CADM3: variants seen among roughly 807,000 people sequenced by gnomAD.
CADM3 encodes cell adhesion molecule 3.
CADM3 carries 11 observed loss-of-function variants against 44.9 expected under a neutral mutation model. The observed-to-expected ratio is 0.25, with a 90% CI of 0.15 to 0.41. The LOEUF (loss-of-function observed/expected upper bound fraction) is 0.41. Among genes scored for constraint, CADM3 ranks in the 10% least tolerant of loss-of-function variants. The pLI is 1.00. For synonymous variants in CADM3, 207 were observed against 205.2 expected (o/e 1.01, Z -0.08); for missense variants, 426 against 512.0 (o/e 0.83, Z 1.62).
At chr1:159,180,247 A>C (rs1212335623) in intron 1 of CADM3, among the ~76,000 whole-genome samples, 2 of 152,200 alleles carry the variant, frequency 1.3e-5, no homozygotes, top group Non-Finnish European at 2.9e-5. Context: ...TATCTGGGTC[A>C]TAATAAAATC....
rs1379875536 is a variant in CADM3, at chr1:159,192,738, T to C, written c.382+8T>C. On this transcript the variant is annotated splice_region_variant and intron_variant, in intron 3 of 8. Coordinates refer to ENST00000368125, the MANE Select transcript of CADM3 (RefSeq NM_001127173.3). ...CCCTCGTCACTGTGCTAGGTGAGAC[T>C]CCCAAACCCCAGTGTCTCTACAGCA... 1 of 1,609,298 alleles carries C rather than the reference T, an allele frequency of 6.2e-7. No homozygotes were observed. The highest frequency in any genetic ancestry group is 1.3e-5 in the African/African-American group (1 of 74,878).
In CADM3 at chr1:159,203,031, G is replaced by T. The variant is rs554431821; in HGVS notation, c.*2109G>T. ...GTGCTGTGTGTGTCTGTCCAGGGGTGGGGGGGTGGGGGAAGGGAGCAGGGA... is the reference window on the plus strand; with the variant it reads ...GTGCTGTGTGTGTCTGTCCAGGGGTTGGGGGGTGGGGGAAGGGAGCAGGGA... On this transcript the variant is annotated 3_prime_UTR_variant, in exon 9 of 9. Transcript: ENST00000368125. The T allele has an allele frequency of 5.2e-5, 7 of 133,742 alleles. No homozygotes were observed. Among genetic ancestry groups the T allele is most frequent in the South Asian group, 2.9e-4 (1 of 3,466 alleles). 8.3% of individuals were successfully genotyped at this position (133,742 alleles called of 1,614,324 possible).
chr1:159,183,178 T>A (rs200671625), intron 1 of CADM3, among the ~76,000 whole-genome samples: 1 of 152,218 alleles, frequency 6.6e-6, no homozygotes, highest in Non-Finnish European at 1.5e-5. Context: ...ATCTCTTAGA[T>A]AATCTAATAG....
intron 1 of CADM3, among the ~76,000 whole-genome samples, chr1:159,182,972 C>T (rs955662262): frequency 2.0e-5 from 3 of 152,208 alleles, no homozygotes; most frequent in South Asian, 4.1e-4. Context: ...ACACCCACCA[C>T]AGGCAAGCTA....
chr1:159,189,233 T>C (rs573336605), intron 1 of CADM3, among the ~76,000 whole-genome samples: 3 of 152,206 alleles, frequency 2.0e-5, no homozygotes, highest in Non-Finnish European at 4.4e-5. Flanking sequence ...TTCATTCTAT[T>C]TCCACTCTGC....
At chr1:159,173,553 T>TG (rs961519752) in intron 1 of CADM3, among the ~76,000 whole-genome samples, 61 of 152,252 alleles carry the variant, frequency 4.0e-4, no homozygotes, top group African/African-American at 1.4e-3. Context: ...ACTGCACTGA[T>TG]GACCCCACTC....
intron 1 of CADM3, among the ~76,000 whole-genome samples, chr1:159,181,566 G>C (rs76816615): frequency 8.5e-5 from 13 of 152,226 alleles, no homozygotes; most frequent in Non-Finnish European, 1.9e-4. Flanking sequence ...TCTTCAGGCA[G>C]AACACTAGAT....
chr1:159,200,925 GC>G lies in CADM3; in HGVS notation c.*4del. On this transcript the variant is annotated 3_prime_UTR_variant, in exon 9 of 9. Coordinates refer to ENST00000368125, the MANE Select transcript of CADM3 (RefSeq NM_001127173.3). ...ACAAGAAGGAATATTTCATCTAGAG[GC>G]GCCTGCCCACTTCCTGCGCCCCCCA... 6.3e-7 allele frequency: 1 copy of G among 1,589,786 alleles called. No individual in the cohort carries two copies. Among genetic ancestry groups the G allele is most frequent in the Non-Finnish European group, 8.6e-7 (1 of 1,167,346 alleles).
chr1:159,199,910 G>C (rs1245793482), intron 8 of CADM3, 34 bp downstream of exon 8: 2 of 1,605,030 alleles, frequency 1.2e-6, no homozygotes, highest in African/African-American at 2.7e-5. Flanking sequence ...AGCAGAACTT[G>C]GGAGGGGCAG....
chr1:159,189,996 C>T, intron 1 of CADM3: 1 of 672,474 alleles, frequency 1.5e-6, no homozygotes, highest in Non-Finnish European at 2.6e-6. Flanking sequence ...AGCACTTTCT[C>T]CTTTCCATCT....
In CADM3 at chr1:159,200,858, C is replaced by A; in HGVS notation, c.1133C>A (p.Thr378Lys). ...TCCGACGATGCTCCAGACGCGGACA[C>A]GGCCATCATCAATGCAGAAGGCGGG... ...KGSDDAPDAD[T>K]AIINAEGGQS... is the part of the protein sequence containing the mutation. The change falls in exon 9 of 9, where the codon ACG (threonine) becomes AAG (lysine). Residue 378 changes from threonine to lysine, a missense_variant. Around this residue, in one of 2 missense-constraint regions of CADM3, gnomAD observed 362 missense variants for 474.6 expected, o/e 0.76. Transcript: ENST00000368125. 4 of 1,610,984 alleles carry A rather than the reference C, an allele frequency of 2.5e-6. No homozygotes were observed. The highest frequency in any genetic ancestry group is 3.4e-6 in the Non-Finnish European group (4 of 1,178,410).
intron 1 of CADM3, among the ~76,000 whole-genome samples, chr1:159,190,158 G>A (rs1042627551): frequency 6.6e-6 from 1 of 152,086 alleles, no homozygotes; most frequent in South Asian, 2.1e-4. Context: ...AGAGGTTCTG[G>A]GAAGACACAA....
Position 159,189,693 on chromosome 1 carries a change from G to A in CADM3, c.89-2243G>A, listed in dbSNP as rs1649568378. On this transcript the variant is annotated intron_variant, in intron 1 of 8. Transcript: ENST00000368125. ...CACAGGGACCTAGCCTTTCCCACAT[G>A]CCCAGCAATGAAAGTAGAGCCCCAC... 7.3e-6 allele frequency: 8 copies of A among 1,098,436 alleles called. No individual in the cohort carries two copies. The Admixed American group carries it at 1.7e-4, about 24-fold the overall frequency. 68.0% of individuals were successfully genotyped at this position (1,098,436 alleles called of 1,614,324 possible).
At chr1:159,181,953 T>C (rs978567319) in intron 1 of CADM3, among the ~76,000 whole-genome samples, 1 of 152,180 alleles carries the variant, frequency 6.6e-6, no homozygotes, top group Non-Finnish European at 1.5e-5. Context: ...CATGTTCCTC[T>C]GCTTTTTTTC....
intron 5 of CADM3, 112 bp from the exon 6 acceptor site, chr1:159,196,252 C>A: frequency 2.6e-6 from 2 of 762,414 alleles, no homozygotes; most frequent in South Asian, 1.7e-5. Context: ...CTTTGTTGCA[C>A]TTCTTGAGCT....
intron 1 of CADM3, among the ~76,000 whole-genome samples, chr1:159,175,901 A>C (rs1328492576): frequency 1.3e-5 from 2 of 152,216 alleles, no homozygotes; most frequent in African/African-American, 4.8e-5. Context: ...TGCTCTGTAA[A>C]TTCTTAGATT....
chr1:159,181,586 G>C lies in CADM3; in HGVS notation c.88+9733G>C, dbSNP rs1315478149. ...AGGCAGAACACTAGATGCTTGTCTA[G>C]AGCACACAGCCCAGTCCCAGAAGGA... On this transcript the variant is annotated intron_variant, in intron 1 of 8. Coordinates refer to ENST00000368125, the MANE Select transcript of CADM3 (RefSeq NM_001127173.3). Among the ~76,000 whole-genome samples, 3 of 152,112 alleles carry C rather than the reference G, an allele frequency of 2.0e-5. No homozygotes were observed. The East Asian group carries it at 5.8e-4, about 29-fold the overall frequency.
intron 1 of CADM3, among the ~76,000 whole-genome samples, chr1:159,188,966 A>G (rs1447022180): frequency 1.3e-5 from 2 of 152,198 alleles, no homozygotes; most frequent in African/African-American, 4.8e-5. Flanking sequence ...GGCCCTGGAA[A>G]AGGGGTTTGT....
intron 1 of CADM3, chr1:159,189,944 T>C: frequency 3.8e-6 from 4 of 1,044,414 alleles, no homozygotes; most frequent in Non-Finnish European, 5.8e-6. Flanking sequence ...CTCCCACTCA[T>C]GTTGCCTTCA....
Sources: allele counts gnomAD v4.1 joint callset (sites outside exome capture counted in the v4.1 genomes callset), GRCh38; gene constraint gnomAD v4.1.1; regional missense constraint gnomAD v4.1.1; transcripts MANE v1.5; gene names NCBI Gene and HGNC (gene_info 2026-07-23, HGNC 2026-07-21).